Variants in MAP4K1 observed in about 807,000 individuals in gnomAD.
MAP4K1 encodes MAPK/ERK kinase kinase kinase 1.
A neutral mutation model predicts 122.8 loss-of-function variants in MAP4K1; 35 were observed. The ratio of observed to expected loss-of-function variants is 0.29; its 90% CI spans 0.22 to 0.38. MAP4K1 has a LOEUF of 0.38. Among genes scored for constraint, MAP4K1 ranks in the 10% least tolerant of loss-of-function variants. The pLI, the probability that MAP4K1 is intolerant of heterozygous loss-of-function variation, is 1.00. For missense variants in MAP4K1, 791 were observed against 1,072.6 expected (o/e 0.74, Z 3.67); for synonymous variants, 412 against 421.3 (o/e 0.98, Z 0.27).
rs778654685 is a variant in MAP4K1 at position 38,614,059 on chromosome 19, A to C, written c.444T>G (p.Ala148=). The C allele has an allele frequency of 2.5e-6, 4 of 1,581,350 alleles. No homozygotes were observed. The East Asian group carries it at 9.3e-5, about 37-fold the overall frequency. The stretch of plus-strand genomic sequence containing the variant: ...CTTACTCACCCAATCTGACCTCCCC[A>C]GCATCATTGATGAGGATGTTAGCTC... ...IKGANILIND[A]GEVRLADFGI... is the part of the protein sequence containing the mutation. The change falls in exon 7 of 31, where the codon GCT becomes GCG. Residue 148 remains alanine (A), a synonymous_variant. Transcript: ENST00000396857.
At chr19:38,590,034 A>G (rs1479816564) in intron 30 of MAP4K1, among the ~76,000 whole-genome samples, 2 of 151,926 alleles carry the variant, frequency 1.3e-5, no homozygotes. Context: ...TATCTTTAAA[A>G]AAAAAGAAAA....
chr19:38,602,189 C>T (rs908145946), intron 19 of MAP4K1, among the ~76,000 whole-genome samples: 1 of 152,136 alleles, frequency 6.6e-6, no homozygotes, highest in Non-Finnish European at 1.5e-5. Context: ...AATTCTTCTG[C>T]CTCAGCCTCC....
At position 38,617,393 on chromosome 19, in the gene MAP4K1, C is replaced by T. The variant is rs1179878816; in HGVS notation, c.209G>A (p.Arg70Gln). 1.9e-6 allele frequency: 3 copies of T among 1,613,776 alleles called. No individual in the cohort carries two copies. The highest frequency in any genetic ancestry group is 2.5e-6 in the Non-Finnish European group (3 of 1,179,984). ...ATGGTAGGCCACGATGTTGGCGTGC[C>T]GGCAAGTTTTCAATATGAGGATTTC... Reference protein sequence around the residue: ...QKEILILKTCRHANIVAYHGS... With the variant: ...QKEILILKTCQHANIVAYHGS... The change falls in exon 3 of 31, where the codon CGG becomes CAG. Residue 70 changes from arginine to glutamine, a missense_variant. Transcript: ENST00000396857. This position sits in a 1 kb window ranked among gnomAD's most constrained non-coding sequence, Gnocchi z 4.1.
intron 10 of MAP4K1, 31 bp from the exon 11 acceptor site, chr19:38,611,163 G>A: frequency 6.2e-7 from 1 of 1,604,140 alleles, no homozygotes; most frequent in Non-Finnish European, 8.5e-7. Flanking sequence ...TTCTGGATGA[G>A]GGGACCAGAA....
At chr19:38,598,246 G>A (rs1439387684) in intron 22 of MAP4K1, among the ~76,000 whole-genome samples, 1 of 151,918 alleles carries the variant, frequency 6.6e-6, no homozygotes, top group African/African-American at 2.4e-5. Context: ...GGCCAGTCTG[G>A]TCTCGAACTA....
intron 30 of MAP4K1, chr19:38,592,610 A>T (rs748457072): frequency 1.3e-5 from 2 of 148,550 alleles, no homozygotes; most frequent in Admixed American, 1.4e-4. Context: ...TAAATAAAAG[A>T]ATTAAAATTA....
chr19:38,616,364 A>G (rs1975648727), intron 3 of MAP4K1, 105 bp from the exon 4 acceptor site: 2 of 771,166 alleles, frequency 2.6e-6, no homozygotes, highest in East Asian at 5.7e-5. Flanking sequence ...TAAGAACTTT[A>G]ACGTAACAGC....
At position 38,612,219 on chromosome 19, in the gene MAP4K1, A is replaced by C. The variant is rs1419474228; in HGVS notation, c.665+392T>G. Reference sequence around the variant, plus strand: ...CAGATAACCTGAGGTCAGGAGTTCGAGACTACCCTGGCCAACATGTTGAAA... The same window carrying C: ...CAGATAACCTGAGGTCAGGAGTTCGCGACTACCCTGGCCAACATGTTGAAA... On this transcript the variant is annotated intron_variant, in intron 9 of 30. Coordinates refer to ENST00000396857, the MANE Select transcript of MAP4K1 (RefSeq NM_001042600.3). Among the ~76,000 whole-genome samples, 6 of 152,120 alleles carry C rather than the reference A, an allele frequency of 3.9e-5. No individual in the cohort carries two copies. In the South Asian group the frequency reaches 1.2e-3, roughly 31 times the overall value.
chr19:38,611,284 C>A lies in MAP4K1; in HGVS notation c.687G>T (p.Lys229Asn). Residue 229 changes from lysine to asparagine, a missense_variant, in exon 10 of 31, where the codon AAG (lysine) becomes AAT (asparagine). Lys to Asn is a moderately conservative substitution (Grantham distance 94, BLOSUM62 0). This residue lies in a region of MAP4K1 where 303 missense variants were observed against 344.8 expected (regional missense o/e 0.88). Coordinates refer to ENST00000396857, the MANE Select transcript of MAP4K1 (RefSeq NM_001042600.3). The stretch of plus-strand genomic sequence containing the variant: ...TCAGTCGGGGAGGCTGGTAGCCACT[C>A]TTGGTCATGAGGAAGAGAACTCTAG... ...HPLRVLFLMT[K>N]SGYQPPRLKE... The A allele has an allele frequency of 6.2e-7, 1 of 1,613,548 alleles. No homozygotes were observed. Among genetic ancestry groups the A allele is most frequent in the Non-Finnish European group, 8.5e-7 (1 of 1,179,566 alleles).
chr19:38,605,338 CCCCT>C, intron 19 of MAP4K1, 67 bp downstream of exon 19: 4 of 1,119,068 alleles, frequency 3.6e-6, no homozygotes, highest in Non-Finnish European at 5.2e-6. Flanking sequence ...GTCCTGCCAC[CCCCT>C]CCCCACCCCA....
chr19:38,614,054 TC>T lies in MAP4K1; in HGVS notation c.448del (p.Glu150ArgfsTer39). 6.2e-7 allele frequency: 1 copy of T among 1,602,338 alleles called. No individual in the cohort carries two copies. Among genetic ancestry groups the T allele is most frequent in the Non-Finnish European group, 8.5e-7 (1 of 1,176,584 alleles). ...CCAGCCTTACTCACCCAATCTGACC[TC>T]CCCAGCATCATTGATGAGGATGTTA... Reference protein sequence around the residue: ...GANILINDAGEVRLADFGISA... With the variant: ...GANILINDAGXVRLADFGISA... On this transcript the variant is annotated frameshift_variant, in exon 7 of 31. Transcript: ENST00000396857. LOFTEE classifies it high-confidence loss of function.
intron 19 of MAP4K1, among the ~76,000 whole-genome samples, chr19:38,602,528 A>G (rs1033360169): frequency 6.7e-6 from 1 of 149,774 alleles, no homozygotes; most frequent in Non-Finnish European, 1.5e-5. Flanking sequence ...ATACGCATAT[A>G]CATATATACA....
In MAP4K1 at chr19:38,587,734, A is replaced by AC. The variant is rs35507252; in HGVS notation, c.*13dup. On this transcript the variant is annotated 3_prime_UTR_variant, in exon 31 of 31. Transcript: ENST00000396857. ...GGGGGTGCAAGGACTAGTTCCTGAC[A>AC]CCCCCCTAGGGACTCATTCCTGGAT... is the stretch of plus-strand genomic sequence containing the variant. 3.5e-4 allele frequency: 556 copies of AC among 1,609,552 alleles called. 2 individuals are homozygous for AC. Among genetic ancestry groups the AC allele is most frequent in the South Asian group, 2.4e-4 (22 of 90,976 alleles).
chr19:38,602,575 T>C (rs1599703073), intron 19 of MAP4K1, among the ~76,000 whole-genome samples: 1 of 133,638 alleles, frequency 7.5e-6, no homozygotes. Context: ...CATATATACA[T>C]ATATATACAC....
At chr19:38,594,990 T>C (rs538228736) in intron 29 of MAP4K1, among the ~76,000 whole-genome samples, 2 of 150,140 alleles carry the variant, frequency 1.3e-5, no homozygotes, top group African/African-American at 4.9e-5. Context: ...TCTATCTATC[T>C]ATCTATAAAA....
chr19:38,609,227 C>G (rs1188378359), intron 13 of MAP4K1, among the ~76,000 whole-genome samples: 2 of 152,020 alleles, frequency 1.3e-5, no homozygotes, highest in African/African-American at 4.8e-5. Context: ...CTCCACCTCC[C>G]AGGTTCAGGC....
chr19:38,598,204 T>C (rs1974947248), intron 22 of MAP4K1, among the ~76,000 whole-genome samples: 2 of 151,984 alleles, frequency 1.3e-5, no homozygotes, highest in Non-Finnish European at 2.9e-5. Context: ...ATAATTTTTG[T>C]ATTTTTAGTA....
Position 38,613,894 on chromosome 19 carries a change from A to G in MAP4K1, c.519T>C (p.Ile173=). 2 of 1,611,290 alleles carry G rather than the reference A, an allele frequency of 1.2e-6. No individual in the cohort carries two copies. The highest frequency in any genetic ancestry group is 1.7e-6 in the Non-Finnish European group (2 of 1,178,896). Residue 173 remains isoleucine, a synonymous_variant, in exon 8 of 31, where the codon ATT becomes ATC. Coordinates refer to ENST00000396857, the MANE Select transcript of MAP4K1 (RefSeq NM_001042600.3). ...GATLARRLSF[I]GTPYWMAPEV... ...GCGCCACTCACCAGTAGGGTGTCCC[A>G]ATGAAAGAGAGGCGTCTGGCCAGTG... is the stretch of plus-strand genomic sequence containing the variant.
In MAP4K1 at chr19:38,597,057, T is replaced by C; in HGVS notation, c.1918A>G (p.Met640Val). ...SVVLLQWYQP[M>V]NKFLLVRQVL... is the part of the protein sequence containing the mutation. Reference sequence around the variant, plus strand: ...ACCCGGACAAGCAGGAATTTGTTCATGGGCTGGTACCACTGAAGCAGGACA... The same window carrying C: ...ACCCGGACAAGCAGGAATTTGTTCACGGGCTGGTACCACTGAAGCAGGACA... The change falls in exon 25 of 31, where the codon ATG (methionine) becomes GTG (valine). Residue 640 changes from methionine to valine, a missense_variant. Transcript: ENST00000396857. The surrounding 1 kb of genome is among the most constrained non-coding windows in gnomAD (Gnocchi z 4.6). 1.2e-6 allele frequency: 2 copies of C among 1,614,108 alleles called. No homozygotes were observed. Among genetic ancestry groups the C allele is most frequent in the East Asian group, 2.2e-5 (1 of 44,876 alleles).
Sources: gnomAD v4.1 joint callset for allele counts (sites outside exome capture counted in the v4.1 genomes callset) on GRCh38, gnomAD v4.1.1 for gene constraint, gnomAD v4.1.1 regional missense constraint, Gnocchi (gnomAD v3.1) non-coding constraint, MANE v1.5 for transcripts, NCBI Gene and HGNC (gene_info 2026-07-23, HGNC 2026-07-21) for gene names.